Variants in FGF13 observed in about 807,000 individuals in gnomAD.
The protein encoded by FGF13 is fibroblast growth factor homologous factor 2.
Under a neutral mutation model 19.5 loss-of-function variants are expected in FGF13, and 2 were observed. That is an observed-to-expected ratio of 0.10 (90% CI 0.04 to 0.32). The LOEUF (loss-of-function observed/expected upper bound fraction) is 0.32, where lower values mean the gene tolerates loss of function less well. Among genes scored for constraint, FGF13 ranks in the 10% least tolerant of loss-of-function variants. The pLI is 1.00. For synonymous variants in FGF13, 72 were observed against 76.9 expected (o/e 0.94, Z 0.33); for missense variants, 113 against 192.7 (o/e 0.59, Z 2.45).
chrX:139,168,561 T>C (rs2084104956), intron 1 of FGF13, among the ~76,000 whole-genome samples: 1 of 111,857 alleles, frequency 8.9e-6, no homozygotes, highest in South Asian at 3.7e-4. Context: ...ACACAAATTA[T>C]ACATTCTTTA....
intron 1 of FGF13, among the ~76,000 whole-genome samples, chrX:139,160,227 C>A (rs758182340): frequency 8.9e-6 from 1 of 112,217 alleles, no homozygotes; most frequent in Non-Finnish European, 1.9e-5. Context: ...GAACAACCTG[C>A]TCCTGAATGA....
intron 1 of FGF13, among the ~76,000 whole-genome samples, chrX:139,160,729 T>A (rs1477705660): frequency 8.9e-6 from 1 of 111,738 alleles, no homozygotes; most frequent in African/African-American, 3.3e-5. Context: ...TCTATGCAAA[T>A]AAACTAGAAA....
chrX:139,074,535 G>A (rs1277874508), intron 1 of FGF13, among the ~76,000 whole-genome samples: 2 of 111,927 alleles, frequency 1.8e-5, no homozygotes, highest in African/African-American at 3.3e-5. Flanking sequence ...ATCATACCTT[G>A]TCCAGACTGC....
At chrX:138,928,518 G>A (rs982491542) in intron 1 of FGF13, among the ~76,000 whole-genome samples, 3 of 110,164 alleles carry the variant, frequency 2.7e-5, no homozygotes, top group Non-Finnish European at 5.7e-5. Context: ...ATGTTATCGC[G>A]GTGCTCTCAG....
rs368501538 is a variant in FGF13, at chrX:138,960,390, G to A, written c.-112-95740C>T. ...CTTGAGAGTTTCTGCTGAGAGACCC[G>A]CTGTTAGTCTGATGGGCTTCCCTTT... On this transcript the variant is annotated intron_variant, in intron 1 of 2. Coordinates refer to the FGF13 transcript ENST00000421460. Among the ~76,000 whole-genome samples, 187 of 112,053 alleles carry A rather than the reference G, an allele frequency of 1.7e-3. 3 individuals carry two copies. The Middle Eastern group carries it at 0.023, about 14-fold the overall frequency.
rs140625148 is a variant in FGF13, at chrX:139,180,300, T to C, written c.-113+23116A>G. ...GATCATCAATTAGAATGCAAATTCTTTGGGGGCAAAGGCCATGCATCATCA... is the reference window on the plus strand; with the variant it reads ...GATCATCAATTAGAATGCAAATTCTCTGGGGGCAAAGGCCATGCATCATCA... On this transcript the variant is annotated intron_variant, in intron 1 of 2. Transcript: ENST00000421460. Among the ~76,000 whole-genome samples the C allele has an allele frequency of 3.5e-4, 39 of 112,015 alleles. No individual in the cohort carries two copies. In the East Asian group the frequency reaches 8.8e-3, roughly 25 times the overall value.
rs191769350 is a variant in FGF13, at chrX:138,788,652, C to T, written c.217+68860G>A. ...ATCTAAGAAGTCTGACAGCCTTCCTCCATTCCTTCCCATCTCCATTCCCTT... is the reference window on the plus strand; with the variant it reads ...ATCTAAGAAGTCTGACAGCCTTCCTTCATTCCTTCCCATCTCCATTCCCTT... On this transcript the variant is annotated intron_variant, in intron 3 of 6. Transcript: ENST00000436198. 9.7e-4 allele frequency among the ~76,000 whole-genome samples: 109 copies of T among 112,308 alleles called. 1 individual carries two copies. Among genetic ancestry groups the T allele is most frequent in the African/African-American group, 3.4e-3 (105 of 30,922 alleles).
intron 1 of FGF13, among the ~76,000 whole-genome samples, chrX:138,980,850 G>A: frequency 9.0e-6 from 1 of 111,250 alleles, no homozygotes; most frequent in Non-Finnish European, 1.9e-5. Context: ...ACAAAAAAAT[G>A]AAAGTGAACA....
chrX:138,794,615 T>G (rs368526973), intron 3 of FGF13, among the ~76,000 whole-genome samples: 2 of 112,080 alleles, frequency 1.8e-5, no homozygotes, highest in East Asian at 5.6e-4. Flanking sequence ...TTTTTAAAAT[T>G]CTGACAAGTG....
chrX:139,072,077 G>A (rs112600886), intron 1 of FGF13, among the ~76,000 whole-genome samples: 9,577 of 104,453 alleles, frequency 0.092, 407 homozygotes, highest in South Asian at 0.18. Context: ...GTGATGTTTC[G>A]GAACCAATTG....
chrX:139,157,152 AG>A (rs748744096), intron 1 of FGF13, among the ~76,000 whole-genome samples: 155 of 111,622 alleles, frequency 1.4e-3, no homozygotes, highest in African/African-American at 5.0e-3. Flanking sequence ...CCTGTAATGT[AG>A]GAATTGTCAT....
chrX:138,983,478 T>C (rs1028835806), intron 1 of FGF13, among the ~76,000 whole-genome samples: 3 of 100,356 alleles, frequency 3.0e-5, no homozygotes, highest in African/African-American at 1.1e-4. Context: ...CAGTGAGAGA[T>C]CATCCCATAC....
chrX:139,129,205 AT>A (rs1167062520), intron 1 of FGF13, among the ~76,000 whole-genome samples: 1 of 108,014 alleles, frequency 9.3e-6, no homozygotes, highest in Non-Finnish European at 1.9e-5. Context: ...AATTTATGTA[AT>A]TAATATAATA....
chrX:138,895,656 T>C (rs2091500568), intron 1 of FGF13, among the ~76,000 whole-genome samples: 1 of 111,942 alleles, frequency 8.9e-6, no homozygotes. Flanking sequence ...CACACGGGTA[T>C]ATATCCAAAG....
chrX:138,880,867 C>A (rs1362613207), intron 1 of FGF13, among the ~76,000 whole-genome samples: 4 of 111,636 alleles, frequency 3.6e-5, no homozygotes, highest in Non-Finnish European at 7.5e-5. Context: ...TGTGAGTCCT[C>A]CAACTTTGTT....
intron 3 of FGF13, among the ~76,000 whole-genome samples, chrX:138,641,208 T>C (rs1257785881): frequency 8.9e-6 from 1 of 112,572 alleles, no homozygotes; most frequent in East Asian, 2.8e-4. Flanking sequence ...TGATAGATAT[T>C]ATGAGTAGGC....
At chrX:138,764,949 A>G (rs970682504) in intron 3 of FGF13, among the ~76,000 whole-genome samples, 1 of 111,950 alleles carries the variant, frequency 8.9e-6, no homozygotes, top group African/African-American at 3.3e-5. Flanking sequence ...CTTCTTTTCA[A>G]TAAGTTCCTC....
At chrX:139,190,695 C>T (rs10126887) in intron 1 of FGF13, among the ~76,000 whole-genome samples, 2 of 111,492 alleles carry the variant, frequency 1.8e-5, no homozygotes, top group African/African-American at 6.5e-5. Context: ...TACTTAATAC[C>T]ATAGAACTGG....
chrX:139,103,810 G>T (rs1171298353), intron 1 of FGF13, among the ~76,000 whole-genome samples: 1 of 112,076 alleles, frequency 8.9e-6, no homozygotes, highest in East Asian at 2.8e-4. Context: ...AGAGGGAGAA[G>T]TGAGAACACA....
Sources: allele counts gnomAD v4.1 joint callset (sites outside exome capture counted in the v4.1 genomes callset), GRCh38; gene constraint gnomAD v4.1.1; transcripts MANE v1.5; gene names NCBI Gene and HGNC (gene_info 2026-07-23, HGNC 2026-07-21).